The following ADGRL3 variants were observed in gnomAD, a reference collection of about 807,000 sequenced individuals.
The protein encoded by ADGRL3 is calcium-independent alpha-latrotoxin receptor 3.
A neutral mutation model predicts 153.5 loss-of-function variants in ADGRL3; 62 were observed. The observed-to-expected ratio is 0.40, with a 90% CI of 0.33 to 0.50. The LOEUF (loss-of-function observed/expected upper bound fraction) is 0.50. ADGRL3 is among the 20% of genes least tolerant of loss of function. ADGRL3 has a pLI of 0.47. For missense variants in ADGRL3, 1,641 were observed against 1,859.4 expected (o/e 0.88, Z 2.16); for synonymous variants, 710 against 672.5 (o/e 1.06, Z -0.86).
At chr4:61,395,966 T>C (rs1307282520) in intron 2 of ADGRL3, among the ~76,000 whole-genome samples, 3 of 152,012 alleles carry the variant, frequency 2.0e-5, no homozygotes, top group African/African-American at 7.2e-5. Flanking sequence ...GAATAATGAA[T>C]GAATGGAGTC....
At chr4:61,568,373 G>A (rs1466160610) in intron 4 of ADGRL3, among the ~76,000 whole-genome samples, 1 of 151,958 alleles carries the variant, frequency 6.6e-6, no homozygotes, top group African/African-American at 2.4e-5. Context: ...TTGTAACTAA[G>A]TTTAATCTTT....
Position 61,892,621 on chromosome 4 carries a change from G to T in ADGRL3, c.1481-35G>T, listed in dbSNP as rs753559389. 2.0e-6 allele frequency: 3 copies of T among 1,522,040 alleles called. No homozygotes were observed. The Admixed American group carries it at 5.0e-5, about 26-fold the overall frequency. 94.3% of individuals were successfully genotyped at this position (1,522,040 alleles called of 1,614,324 possible). A position where few individuals can be genotyped will look rare whatever the true frequency, so the allele number is the denominator to read the frequency against. On this transcript the variant is annotated intron_variant, in intron 9 of 26. Transcript: ENST00000683033. ...CATCTTGAGGTCCTCCTGTGAACAA[G>T]CAATGTAGGTGTTTTCTTTCTAATT...
intron 2 of ADGRL3, among the ~76,000 whole-genome samples, chr4:61,444,951 C>G (rs1186399576): frequency 1.3e-5 from 2 of 151,698 alleles, no homozygotes; most frequent in Non-Finnish European, 2.9e-5. Context: ...TACTCGGAGA[C>G]TGGGGTGGAA....
rs866588023 is a variant in ADGRL3 at position 61,847,627 on chromosome 4, A to T, written c.1480+33738A>T. ...TATAATATATTATATATATAATATA[A>T]AATATATTATATATATAATATAAAA... On this transcript the variant is annotated intron_variant, in intron 9 of 26. Coordinates refer to ENST00000683033, the MANE Select transcript of ADGRL3 (RefSeq NM_001387552.1). Among the ~76,000 whole-genome samples, 148 of 37,426 alleles carry T rather than the reference A, an allele frequency of 4.0e-3. 2 individuals are homozygous for T. Among genetic ancestry groups the T allele is most frequent in the South Asian group, 9.4e-3 (17 of 1,818 alleles). The allele number at this position is 37,426 out of a possible 152,430, so 24.6% of individuals were successfully genotyped here.
At chr4:61,720,368 G>A (rs9998476) in intron 6 of ADGRL3, among the ~76,000 whole-genome samples, 104,808 of 152,158 alleles carry the variant, frequency 0.69, 36,817 homozygotes, top group East Asian at 0.93. Context: ...GATTACAGGC[G>A]TGAGCCACCA....
intron 9 of ADGRL3, among the ~76,000 whole-genome samples, chr4:61,842,031 G>A (rs920625805): frequency 6.6e-6 from 1 of 152,150 alleles, no homozygotes; most frequent in African/African-American, 2.4e-5. Context: ...ATATGAAATG[G>A]CAAACTCTCA....
At chr4:62,064,397 G>C (rs1741841991) in intron 25 of ADGRL3, among the ~76,000 whole-genome samples, 1 of 150,858 alleles carries the variant, frequency 6.6e-6, no homozygotes, top group Non-Finnish European at 1.5e-5. Context: ...ATTCGGACAT[G>C]GTTTTACCTT....
chr4:61,677,798 C>G (rs746382654), intron 6 of ADGRL3, among the ~76,000 whole-genome samples: 10 of 151,864 alleles, frequency 6.6e-5, no homozygotes, highest in African/African-American at 1.9e-4. Flanking sequence ...AGCAAGTTTG[C>G]GTTTGTAAAG....
At chr4:61,818,020 A>G (rs2097707746) in intron 9 of ADGRL3, among the ~76,000 whole-genome samples, 1 of 152,136 alleles carries the variant, frequency 6.6e-6, no homozygotes, top group Non-Finnish European at 1.5e-5. Flanking sequence ...CTCACATTTC[A>G]AAACCAATCA....
chr4:61,742,591 T>C lies in ADGRL3; in HGVS notation c.1399+9037T>C, dbSNP rs1289345847. On this transcript the variant is annotated intron_variant, in intron 8 of 26. Transcript: ENST00000683033. The stretch of plus-strand genomic sequence containing the variant: ...CACCGCACCCGGCCTGTTTTTAGCA[T>C]TTTTAAGTAGTGTTCAAATACCTTG... Among the ~76,000 whole-genome samples, 3 of 152,122 alleles carry C rather than the reference T, an allele frequency of 2.0e-5. No individual in the cohort carries two copies. The South Asian group carries it at 6.2e-4, about 32-fold the overall frequency.
In ADGRL3 at chr4:62,070,031, G is replaced by A. The variant is rs558152069; in HGVS notation, c.3833-78G>A. The A allele has an allele frequency of 1.3e-5, 15 of 1,154,988 alleles. No individual in the cohort carries two copies. In the Middle Eastern group the frequency reaches 7.9e-4, roughly 61 times the overall value. The allele number at this position is 1,154,988 out of a possible 1,614,324, so 71.5% of individuals were successfully genotyped here. ...TATACATATTTCATAGTCAATGAAT[G>A]TTTTTGCTTCTGTGTTTGTGTGTGT... On this transcript the variant is annotated intron_variant, in intron 26 of 26. Transcript: ENST00000683033.
At chr4:61,900,982 A>G (rs2098661500) in intron 11 of ADGRL3, among the ~76,000 whole-genome samples, 2 of 152,100 alleles carry the variant, frequency 1.3e-5, no homozygotes, top group African/African-American at 2.4e-5. Flanking sequence ...TCCAGCTTGC[A>G]CTCAGTTTTT....
At chr4:61,990,528 T>A (rs1323052616) in intron 19 of ADGRL3, among the ~76,000 whole-genome samples, 2 of 151,912 alleles carry the variant, frequency 1.3e-5, no homozygotes, top group African/African-American at 4.8e-5. Context: ...AACCTTGGAG[T>A]TATACTCTGT....
intron 2 of ADGRL3, among the ~76,000 whole-genome samples, chr4:61,385,194 C>G (rs56967650): frequency 6.6e-6 from 1 of 151,926 alleles, no homozygotes. Context: ...ATTATTTAGC[C>G]GTAATGCTTT....
At chr4:61,981,461 T>G (rs2150838944) in intron 18 of ADGRL3, among the ~76,000 whole-genome samples, 1 of 152,174 alleles carries the variant, frequency 6.6e-6, no homozygotes, top group Admixed American at 6.5e-5. Flanking sequence ...GTCATGTCTT[T>G]AATTGCCAGC....
intron 8 of ADGRL3, among the ~76,000 whole-genome samples, chr4:61,797,673 AAC>A (rs2097431117): frequency 6.6e-6 from 1 of 152,156 alleles, no homozygotes; most frequent in Non-Finnish European, 1.5e-5. Context: ...AAACCAAGAA[AAC>A]ATCTGCATGT....
intron 17 of ADGRL3, among the ~76,000 whole-genome samples, 176 bp from the exon 18 acceptor site, chr4:61,979,387 C>A (rs1026077693): frequency 6.6e-6 from 1 of 152,132 alleles, no homozygotes; most frequent in Non-Finnish European, 1.5e-5. Flanking sequence ...ACGGAAAAGA[C>A]AAAATGCTTT....
intron 1 of ADGRL3, among the ~76,000 whole-genome samples, chr4:61,325,038 G>A (rs903167778): frequency 2.6e-5 from 4 of 152,080 alleles, no homozygotes; most frequent in Non-Finnish European, 5.9e-5. Context: ...TGTAGGTCGG[G>A]CGCAGTGGCT....
intron 2 of ADGRL3, among the ~76,000 whole-genome samples, chr4:61,410,216 T>C (rs1052904632): frequency 7.2e-5 from 11 of 152,106 alleles, no homozygotes; most frequent in African/African-American, 2.7e-4. Flanking sequence ...TGAGTAGCAT[T>C]TGGAGATGAG....
Sources: gnomAD v4.1 joint callset for allele counts (sites outside exome capture counted in the v4.1 genomes callset) on GRCh38, gnomAD v4.1.1 for gene constraint, MANE v1.5 for transcripts, NCBI Gene and HGNC (gene_info 2026-07-23, HGNC 2026-07-21) for gene names.